HCN1: variants seen among roughly 807,000 people sequenced by gnomAD.
HCN1 encodes hyperpolarization activated cyclic nucleotide gated potassium channel 1, also known as potassium/sodium hyperpolarization-activated cyclic nucleotide-gated channel 1.
In HCN1, 13 loss-of-function variants were observed where a neutral mutation model predicts 78.9. That is an observed-to-expected ratio of 0.16 (90% CI 0.11 to 0.26). The LOEUF is 0.26. Ranked by LOEUF, HCN1 falls within the 10% of genes least tolerant of loss-of-function variation. The probability of loss-of-function intolerance (pLI) is 1.00; values close to 1 mark genes in which losing one functional copy is unlikely to be tolerated. For synonymous variants in HCN1, 552 were observed against 455.5 expected, an observed-to-expected ratio of 1.21 and a Z score of -2.70; for missense variants, 810 against 1,154.3, an observed-to-expected ratio of 0.70 and a Z score of 4.32.
intron 4 of HCN1, among the ~76,000 whole-genome samples, chr5:45,373,146 T>G (rs1249107264): frequency 8.0e-6 from 1 of 125,486 alleles, no homozygotes; most frequent in Non-Finnish European, 1.6e-5. Context: ...TAGTATATAA[T>G]ATATATAAAA....
At chr5:45,267,036 G>C in intron 7 of HCN1, 53 bp downstream of exon 7, 1 of 1,455,994 alleles carries the variant, frequency 6.9e-7, no homozygotes, top group Non-Finnish European at 9.6e-7. Context: ...TTGCAAACCT[G>C]TATTATGCCA....
At chr5:45,323,244 G>C (rs1001503597) in intron 5 of HCN1, among the ~76,000 whole-genome samples, 2 of 151,840 alleles carry the variant, frequency 1.3e-5, no homozygotes, top group East Asian at 3.9e-4. Context: ...ATAAAAAAAT[G>C]AATATAAACT....
intron 6 of HCN1, among the ~76,000 whole-genome samples, chr5:45,295,702 A>T (rs1745477298): frequency 6.6e-6 from 1 of 152,014 alleles, no homozygotes; most frequent in Non-Finnish European, 1.5e-5. Flanking sequence ...TGTTTGGTGA[A>T]CTGATTATGT....
At chr5:45,602,313 A>G (rs1489744198) in intron 2 of HCN1, among the ~76,000 whole-genome samples, 1 of 152,132 alleles carries the variant, frequency 6.6e-6, no homozygotes, top group Non-Finnish European at 1.5e-5. Context: ...CCCTAATCCA[A>G]TATGACCAGT....
At chr5:45,380,684 T>A (rs567501163) in intron 4 of HCN1, among the ~76,000 whole-genome samples, 1 of 152,120 alleles carries the variant, frequency 6.6e-6, no homozygotes, top group East Asian at 1.9e-4. Context: ...AGACTCCTAA[T>A]AAGAATTCTT....
intron 4 of HCN1, among the ~76,000 whole-genome samples, chr5:45,390,429 T>C (rs902275013): frequency 2.0e-5 from 3 of 152,104 alleles, no homozygotes; most frequent in Non-Finnish European, 4.4e-5. Flanking sequence ...AAATGCATAA[T>C]CAATTAATTA....
At chr5:45,333,319 AT>A (rs1211416744) in intron 5 of HCN1, among the ~76,000 whole-genome samples, 1 of 151,590 alleles carries the variant, frequency 6.6e-6, no homozygotes, top group African/African-American at 2.4e-5. Context: ...TCTTTTGAGT[AT>A]TTTTTATTTG....
intron 2 of HCN1, among the ~76,000 whole-genome samples, chr5:45,524,533 T>G (rs966748541): frequency 1.3e-5 from 2 of 152,202 alleles, no homozygotes; most frequent in African/African-American, 4.8e-5. Context: ...TTTATTTCAT[T>G]GAGCAGTGGT....
chr5:45,331,130 G>A (rs1195037841), intron 5 of HCN1, among the ~76,000 whole-genome samples: 1 of 151,186 alleles, frequency 6.6e-6, no homozygotes, highest in African/African-American at 2.4e-5. Flanking sequence ...GCATTGAACA[G>A]GTAGACATGG....
At chr5:45,402,155 T>C (rs1474056098) in intron 3 of HCN1, among the ~76,000 whole-genome samples, 1 of 152,074 alleles carries the variant, frequency 6.6e-6, no homozygotes, top group Non-Finnish European at 1.5e-5. Flanking sequence ...ACCAGAAATA[T>C]GACAGAATAG....
At chr5:45,386,175 A>G (rs1443911727) in intron 4 of HCN1, among the ~76,000 whole-genome samples, 1 of 143,936 alleles carries the variant, frequency 6.9e-6, no homozygotes, top group Non-Finnish European at 1.5e-5. Flanking sequence ...TTGCTTGCTT[A>G]TAGATTTTTT....
At chr5:45,331,680 C>T (rs895214119) in intron 5 of HCN1, among the ~76,000 whole-genome samples, 10 of 151,398 alleles carry the variant, frequency 6.6e-5, no homozygotes, top group African/African-American at 2.4e-4. Context: ...TCTCAACACA[C>T]CTGCTCATAA....
chr5:45,665,895 A>G (rs780885383), intron 1 of HCN1, among the ~76,000 whole-genome samples: 2 of 151,982 alleles, frequency 1.3e-5, no homozygotes, highest in African/African-American at 2.4e-5. Context: ...TCTCTCACTA[A>G]TCCTCAACCT....
chr5:45,284,499 C>T (rs1335641995), intron 6 of HCN1, among the ~76,000 whole-genome samples: 2 of 152,092 alleles, frequency 1.3e-5, no homozygotes, highest in African/African-American at 4.8e-5. Flanking sequence ...CAATGCATAA[C>T]TCCAAGGAGA....
intron 1 of HCN1, among the ~76,000 whole-genome samples, chr5:45,650,501 C>A (rs1041485220): frequency 6.6e-6 from 1 of 151,912 alleles, no homozygotes; most frequent in African/African-American, 2.4e-5. Context: ...ACCAGCAAAG[C>A]AGAGAGGACA....
chr5:45,686,692 A>G (rs1243494449), intron 1 of HCN1, among the ~76,000 whole-genome samples: 3 of 152,196 alleles, frequency 2.0e-5, no homozygotes, highest in Non-Finnish European at 4.4e-5. Flanking sequence ...CAAAATATGA[A>G]AGTCATCAAT....
At chr5:45,462,318 A>G (rs751733442) in intron 2 of HCN1, among the ~76,000 whole-genome samples, 49 of 152,244 alleles carry the variant, frequency 3.2e-4, no homozygotes, top group Non-Finnish European at 4.9e-4. Flanking sequence ...ATTTTAGCAA[A>G]GCTACTTTAA....
At chr5:45,553,362 G>C (rs926036694) in intron 2 of HCN1, among the ~76,000 whole-genome samples, 4 of 151,782 alleles carry the variant, frequency 2.6e-5, no homozygotes, top group African/African-American at 7.3e-5. Context: ...ATCTCACTGA[G>C]GCTGTGAGTA....
intron 3 of HCN1, among the ~76,000 whole-genome samples, chr5:45,424,321 CA>C (rs970190169): frequency 2.6e-4 from 40 of 150,944 alleles, no homozygotes; most frequent in Admixed American, 7.3e-4. Context: ...AAAACAAAAA[CA>C]AAAAAAATAA....
Sources: allele counts gnomAD v4.1 joint callset (sites outside exome capture counted in the v4.1 genomes callset), GRCh38; gene constraint gnomAD v4.1.1; transcripts MANE v1.5; gene names NCBI Gene and HGNC (gene_info 2026-07-23, HGNC 2026-07-21).